Variants in WFDC2 observed in about 807,000 individuals in gnomAD.
WFDC2 encodes WAP four-disulfide core domain 2, also known as WAP four-disulfide core domain protein 2.
In WFDC2, 8 loss-of-function variants were observed where a neutral mutation model predicts 12.5. That is an observed-to-expected ratio of 0.64 (90% CI 0.37 to 1.15). The LOEUF is 1.15. Ranked by LOEUF, WFDC2 falls within the 50% of genes most tolerant of loss-of-function variation. The probability of loss-of-function intolerance (pLI) is 0.01; values close to 1 mark genes in which losing one functional copy is unlikely to be tolerated. For missense variants in WFDC2, 166 were observed against 159.9 expected (o/e 1.04, Z -0.21); for synonymous variants, 74 against 67.2 (o/e 1.10, Z -0.49).
intron 2 of WFDC2, chr20:45,479,384 TACTTA>T (rs1176428484): frequency 1.4e-5 from 7 of 486,426 alleles, no homozygotes; most frequent in Admixed American, 3.5e-5. Flanking sequence ...TTAGGCAAAT[TACTTA>T]ACTTCTCAGT....
At chr20:45,481,140 T>C (rs1291606505) in intron 3 of WFDC2, among the ~76,000 whole-genome samples, 1 of 151,938 alleles carries the variant, frequency 6.6e-6, no homozygotes, top group Admixed American at 6.6e-5. Context: ...CTGCTAGGGA[T>C]GGTCTGACCA....
chr20:45,479,655 G>T, intron 2 of WFDC2: 2 of 1,609,182 alleles, frequency 1.2e-6, no homozygotes, highest in Non-Finnish European at 1.7e-6. Flanking sequence ...TGTTCCACTG[G>T]CACCTAAAGA....
At position 45,481,498 on chromosome 20, in the gene WFDC2, C is replaced by T. The variant is rs945114041; in HGVS notation, c.*129C>T. 15 of 152,392 alleles carry T rather than the reference C, an allele frequency of 9.8e-5. No individual in the cohort carries two copies. The highest frequency in any genetic ancestry group is 3.1e-4 in the African/African-American group (13 of 41,466). The allele number at this position is 152,392 out of a possible 1,614,324, so 9.4% of individuals were successfully genotyped here. On this transcript the variant is annotated 3_prime_UTR_variant, in exon 4 of 4. Transcript: ENST00000372676. Reference sequence around the variant, plus strand: ...CCCTCTTGGGCTGACCACAGCTTCTCCCTTTCCCAACCAATAAAGTAACCA... The same window carrying T: ...CCCTCTTGGGCTGACCACAGCTTCTTCCTTTCCCAACCAATAAAGTAACCA...
chr20:45,475,172 A>G (rs145064924), intron 2 of WFDC2, among the ~76,000 whole-genome samples: 335 of 151,526 alleles, frequency 2.2e-3, no homozygotes, highest in African/African-American at 7.7e-3. Context: ...TCATGTCTCT[A>G]TCTCCTTTAG....
At chr20:45,474,633 AT>A (rs374329882) in intron 2 of WFDC2, among the ~76,000 whole-genome samples, 1 of 151,956 alleles carries the variant, frequency 6.6e-6, no homozygotes, top group Non-Finnish European at 1.5e-5. Context: ...TTAACCTGAA[AT>A]TTTTTTGTTA....
Position 45,470,432 on chromosome 20 carries a change from T to G in WFDC2, c.123T>G (p.Ala41=), listed in dbSNP as rs1377727575. ...EKTGVCPELQ[A]DQNCTQECVS... ...CTGGCGTGTGCCCCGAGCTCCAGGC[T>G]GACCAGAACTGCACGCAAGAGTGCG... The change falls in exon 2 of 4, where the codon GCT becomes GCG. Residue 41 remains alanine (A), a synonymous_variant. Transcript: ENST00000372676. This position sits in a 1 kb window ranked among gnomAD's most constrained non-coding sequence, Gnocchi z 5.4. 2 of 1,593,376 alleles carry G rather than the reference T, an allele frequency of 1.3e-6. No individual in the cohort carries two copies. Among genetic ancestry groups the G allele is most frequent in the South Asian group, 2.3e-5 (2 of 87,996 alleles).
Position 45,478,826 on chromosome 20 carries a change from G to A in WFDC2, c.224-1116G>A, listed in dbSNP as rs567614443. On this transcript the variant is annotated intron_variant, in intron 2 of 3. Transcript: ENST00000372676. ...TATTTTTAGTAGAGCGGGGGGTCTCGAGTCCTGACCTCCGATGATCCCACC... is the reference window on the plus strand; with the variant it reads ...TATTTTTAGTAGAGCGGGGGGTCTCAAGTCCTGACCTCCGATGATCCCACC... Among the ~76,000 whole-genome samples the A allele has an allele frequency of 2.2e-3, 341 of 151,922 alleles. 1 individual carries two copies. The highest frequency in any genetic ancestry group is 3.1e-3 in the Non-Finnish European group (209 of 67,944).
intron 2 of WFDC2, among the ~76,000 whole-genome samples, chr20:45,475,694 G>A (rs1991224479): frequency 6.6e-6 from 1 of 152,154 alleles, no homozygotes; most frequent in South Asian, 2.1e-4. Context: ...TATTAGGTCT[G>A]CTTGGTCCAG....
intron 3 of WFDC2, among the ~76,000 whole-genome samples, chr20:45,480,827 A>G (rs891188781): frequency 6.6e-6 from 1 of 152,174 alleles, no homozygotes; most frequent in Non-Finnish European, 1.5e-5. Context: ...AAACTAAGCT[A>G]TGGTCTCCCT....
chr20:45,480,439 C>G (rs1046430933), intron 3 of WFDC2, among the ~76,000 whole-genome samples: 3 of 144,462 alleles, frequency 2.1e-5, no homozygotes. Context: ...AACCCCGTCT[C>G]TACTAAAAAT....
intron 2 of WFDC2, among the ~76,000 whole-genome samples, chr20:45,477,750 C>A (rs1300489149): frequency 6.6e-6 from 1 of 152,178 alleles, no homozygotes; most frequent in African/African-American, 2.4e-5. Flanking sequence ...CAGGCTGAAG[C>A]CACATCCACA....
At position 45,470,254 on chromosome 20, in the gene WFDC2, C is replaced by A; in HGVS notation, c.80-135C>A. The A allele has an allele frequency of 7.8e-7, 1 of 1,282,050 alleles. No individual in the cohort carries two copies. Among genetic ancestry groups the A allele is most frequent in the Middle Eastern group, 2.7e-4 (1 of 3,642 alleles). The allele number at this position is 1,282,050 out of a possible 1,614,324, so 79.4% of individuals were successfully genotyped here. ...GGACTCCTGGTCTGGAAGAAGGAGTCTCTGGGGGCTGTAAGGGGACTCCTA... is the reference window on the plus strand; with the variant it reads ...GGACTCCTGGTCTGGAAGAAGGAGTATCTGGGGGCTGTAAGGGGACTCCTA... On this transcript the variant is annotated intron_variant, in intron 1 of 3. Coordinates refer to ENST00000372676, the MANE Select transcript of WFDC2 (RefSeq NM_006103.4). This position sits in a 1 kb window ranked among gnomAD's most constrained non-coding sequence, Gnocchi z 5.4.
At chr20:45,472,226 G>A (rs533191596) in intron 2 of WFDC2, among the ~76,000 whole-genome samples, 3 of 152,124 alleles carry the variant, frequency 2.0e-5, no homozygotes, top group East Asian at 1.9e-4. Flanking sequence ...CCATCAACCC[G>A]TCATCTACAT....
chr20:45,476,812 C>T (rs1161457751), intron 2 of WFDC2, among the ~76,000 whole-genome samples: 1 of 152,162 alleles, frequency 6.6e-6, no homozygotes, highest in East Asian at 1.9e-4. Flanking sequence ...GTACATCAAT[C>T]AAACATAGGT....
intron 3 of WFDC2, among the ~76,000 whole-genome samples, chr20:45,480,858 C>T (rs139362168): frequency 4.3e-4 from 66 of 152,290 alleles, no homozygotes; most frequent in African/African-American, 1.6e-3. Context: ...CTCTCAGATG[C>T]CAACTGCATG....
chr20:45,476,808 C>G (rs67268014), intron 2 of WFDC2, among the ~76,000 whole-genome samples: 19,642 of 152,074 alleles, frequency 0.13, 1,684 homozygotes, highest in African/African-American at 0.24. Context: ...TCAGGTACAT[C>G]AATCAAACAT....
chr20:45,470,088 G>A lies in WFDC2; in HGVS notation c.79+228G>A, dbSNP rs1443077998. Among the ~76,000 whole-genome samples, 1 of 152,196 alleles carries A rather than the reference G, an allele frequency of 6.6e-6. No individual in the cohort carries two copies. The highest frequency in any genetic ancestry group is 1.5e-5 in the Non-Finnish European group (1 of 68,028). On this transcript the variant is annotated intron_variant, in intron 1 of 3. Coordinates refer to ENST00000372676, the MANE Select transcript of WFDC2 (RefSeq NM_006103.4). The surrounding 1 kb of genome is among the most constrained non-coding windows in gnomAD (Gnocchi z 5.4). Reference sequence around the variant, plus strand: ...CTGTGCTGAACGCGGACACTCCGTGGCTGCAGTGGGCTGGGGGTGGGGGCT... The same window carrying A: ...CTGTGCTGAACGCGGACACTCCGTGACTGCAGTGGGCTGGGGGTGGGGGCT...
rs559291744 is a variant in WFDC2, at chr20:45,472,210, C to T, written c.223+1678C>T. On this transcript the variant is annotated intron_variant, in intron 2 of 3. Transcript: ENST00000372676. ...GGTATACATGTGCCATGGTGGTTTG[C>T]TTCACCCATCAACCCGTCATCTACA... 7.9e-5 allele frequency among the ~76,000 whole-genome samples: 12 copies of T among 152,212 alleles called. No homozygotes were observed. In the South Asian group the frequency reaches 1.0e-3, roughly 13 times the overall value.
At chr20:45,474,404 C>T (rs987790465) in intron 2 of WFDC2, among the ~76,000 whole-genome samples, 3 of 152,124 alleles carry the variant, frequency 2.0e-5, no homozygotes, top group Non-Finnish European at 4.4e-5. Context: ...TGAATTTTAT[C>T]AAAGGCCTTT....
Sources: allele counts gnomAD v4.1 joint callset (sites outside exome capture counted in the v4.1 genomes callset), GRCh38; gene constraint gnomAD v4.1.1; non-coding constraint Gnocchi (gnomAD v3.1); transcripts MANE v1.5; gene names NCBI Gene and HGNC (gene_info 2026-07-23, HGNC 2026-07-21).